The following TTC7A variants were observed in gnomAD, a reference collection of about 807,000 sequenced individuals.
The protein encoded by TTC7A is tetratricopeptide repeat domain 7A.
In TTC7A, 110 loss-of-function variants were observed where a neutral mutation model predicts 103.7. That is an observed-to-expected ratio of 1.06 (90% confidence interval 0.91 to 1.24). The LOEUF is 1.24. Among genes scored for constraint, TTC7A ranks in the 50% most tolerant of loss-of-function variants. The pLI is 0.00. For synonymous variants in TTC7A, 521 were observed against 467.9 expected (o/e 1.11, Z -1.47); for missense variants, 1,340 against 1,116.3 (o/e 1.20, Z -2.86).
At chr2:47,006,137 C>T in intron 9 of TTC7A, 78 bp downstream of exon 9, 1 of 1,549,814 alleles carries the variant, frequency 6.5e-7, no homozygotes, top group Middle Eastern at 1.9e-4. Context: ...GCCATTTGTC[C>T]CTTCTCCACC....
chr2:47,033,700 T>C (rs7578472), intron 15 of TTC7A, among the ~76,000 whole-genome samples: 24,694 of 152,156 alleles, frequency 0.16, 2,066 homozygotes, highest in Non-Finnish European at 0.19. Context: ...GGAGGTTTAT[T>C]GTGAGACTCA....
chr2:47,013,581 C>T (rs965711252), intron 11 of TTC7A, among the ~76,000 whole-genome samples: 6 of 152,228 alleles, frequency 3.9e-5, no homozygotes, highest in African/African-American at 1.4e-4. Context: ...TGTGGGTCCA[C>T]CCAGCCAACG....
At chr2:46,991,304 C>G (rs2104367802) in intron 5 of TTC7A, among the ~76,000 whole-genome samples, 1 of 152,136 alleles carries the variant, frequency 6.6e-6, no homozygotes, top group Non-Finnish European at 1.5e-5. Flanking sequence ...CGCTGCTAGT[C>G]CAAGTACTAC....
At chr2:47,049,830 C>G in intron 16 of TTC7A, 119 bp from the exon 17 acceptor site, 1 of 732,974 alleles carries the variant, frequency 1.4e-6, no homozygotes, top group Non-Finnish European at 2.3e-6. Flanking sequence ...CAGAGCCTGC[C>G]TGGAGTGAGG....
intron 5 of TTC7A, among the ~76,000 whole-genome samples, chr2:46,980,580 A>G (rs139088985): frequency 6.6e-6 from 1 of 152,232 alleles, no homozygotes; most frequent in African/African-American, 2.4e-5. Context: ...GCGACTCACA[A>G]CCAGTTCTCT....
At chr2:46,934,658 C>T (rs1669874773) in intron 2 of TTC7A, among the ~76,000 whole-genome samples, 2 of 152,020 alleles carry the variant, frequency 1.3e-5, no homozygotes, top group African/African-American at 4.8e-5. Context: ...TGCAGTAAGC[C>T]TGGATGACAG....
At chr2:47,013,028 C>G (rs1197917166) in intron 11 of TTC7A, among the ~76,000 whole-genome samples, 2 of 152,154 alleles carry the variant, frequency 1.3e-5, no homozygotes, top group African/African-American at 4.8e-5. Flanking sequence ...ACTGGGTACC[C>G]TAGAGTAAGG....
At chr2:47,035,570 A>G (rs538880546) in intron 15 of TTC7A, 1 of 152,366 alleles carries the variant, frequency 6.6e-6, no homozygotes, top group African/African-American at 2.4e-5. Context: ...TTCTCCAGTT[A>G]GTGGTCTGCC....
intron 2 of TTC7A, among the ~76,000 whole-genome samples, chr2:46,934,000 C>T (rs952942262): frequency 6.6e-6 from 1 of 152,118 alleles, no homozygotes; most frequent in Non-Finnish European, 1.5e-5. Context: ...CACTTGGTGA[C>T]CTCCAGCCCA....
intron 18 of TTC7A, among the ~76,000 whole-genome samples, chr2:47,059,818 C>G (rs1011244159): frequency 6.6e-6 from 1 of 152,168 alleles, no homozygotes; most frequent in African/African-American, 2.4e-5. Context: ...AGTCCCATGC[C>G]TTGACCCCTC....
intron 18 of TTC7A, among the ~76,000 whole-genome samples, chr2:47,057,403 C>G (rs917200457): frequency 2.6e-5 from 4 of 152,226 alleles, no homozygotes; most frequent in Non-Finnish European, 5.9e-5. Context: ...CAGCAAGGCC[C>G]TGGCCTCTGG....
At chr2:47,054,274 A>C (rs1558633941) in intron 18 of TTC7A, 1 of 563,828 alleles carries the variant, frequency 1.8e-6, no homozygotes, top group African/African-American at 2.1e-5. Flanking sequence ...CAGTTTACAG[A>C]TGACAGCCTT....
At chr2:47,073,597 C>T (rs931672510) in intron 19 of TTC7A, 105 bp from the exon 20 acceptor site, 9 of 952,570 alleles carry the variant, frequency 9.4e-6, no homozygotes, top group African/African-American at 3.2e-5. Context: ...GGAATCCTCT[C>T]GAGCTGATGG....
chr2:47,013,454 G>A (rs1174864295), intron 11 of TTC7A, among the ~76,000 whole-genome samples: 5 of 152,110 alleles, frequency 3.3e-5, no homozygotes, highest in Non-Finnish European at 7.4e-5. Flanking sequence ...TTGCTCCTAG[G>A]GCTTCTGAGA....
chr2:47,021,838 G>A (rs1361539059), intron 11 of TTC7A, 24 bp from the exon 12 acceptor site: 9 of 1,599,790 alleles, frequency 5.6e-6, no homozygotes, highest in East Asian at 2.2e-5. Context: ...CCACCTCCAT[G>A]ACCTCTGTCT....
At chr2:47,052,494 T>C (rs2104736466) in intron 18 of TTC7A, among the ~76,000 whole-genome samples, 1 of 152,294 alleles carries the variant, frequency 6.6e-6, no homozygotes, top group East Asian at 1.9e-4. Context: ...AAAAGGTGTT[T>C]GGCTTCCGTC....
intron 3 of TTC7A, among the ~76,000 whole-genome samples, chr2:46,967,961 G>A (rs1409545769): frequency 2.0e-5 from 3 of 152,070 alleles, no homozygotes; most frequent in African/African-American, 7.2e-5. Context: ...TCTTCCGTGG[G>A]TGCTGCAGCT....
chr2:46,975,079 G>A lies in TTC7A; in HGVS notation c.624G>A (p.Gln208=). 6.2e-7 allele frequency: 1 copy of A among 1,613,946 alleles called. No individual in the cohort carries two copies. The highest frequency in any genetic ancestry group is 8.5e-7 in the Non-Finnish European group (1 of 1,179,884). The part of the protein sequence containing the change: ...TCFERASWIA[Q]VFLQELEKTT... ...TTGAGAGGGCCTCCTGGATCGCTCA[G>A]GTGTTCCTGCAGGAATTGGAGAAGG... is the stretch of plus-strand genomic sequence containing the variant. The change falls in exon 4 of 20, where the codon CAG becomes CAA. Residue 208 remains glutamine (Q), a synonymous_variant. Transcript: ENST00000319190.
intron 1 of TTC7A, among the ~76,000 whole-genome samples, chr2:46,946,166 ATGGGGCTT>A (rs942340170): frequency 1.2e-4 from 18 of 152,230 alleles, no homozygotes; most frequent in East Asian, 3.9e-4. Flanking sequence ...TGGCCAGTAA[ATGGGGCTT>A]TGGGGCTTTG....
Sources: allele counts gnomAD v4.1 joint callset (sites outside exome capture counted in the v4.1 genomes callset), GRCh38; gene constraint gnomAD v4.1.1; transcripts MANE v1.5; gene names NCBI Gene and HGNC (gene_info 2026-07-23, HGNC 2026-07-21).